The following RABGAP1L variants were observed in gnomAD, a reference collection of about 807,000 sequenced individuals.
RABGAP1L encodes the protein rab GTPase-activating protein 1-like.
Under a neutral mutation model 137.7 loss-of-function variants are expected in RABGAP1L, and 63 were observed. The observed-to-expected ratio is 0.46, with a 90% confidence interval of 0.37 to 0.56. The LOEUF is 0.56. Ranked by LOEUF, RABGAP1L falls within the 20% of genes least tolerant of loss-of-function variation. The pLI is 0.00. For missense variants in RABGAP1L, 1,095 were observed against 1,244.0 expected (o/e 0.88, Z 1.80); for synonymous variants, 431 against 433.7 (o/e 0.99, Z 0.08).
Position 174,412,935 on chromosome 1 carries a change from A to G in RABGAP1L, c.1710+18790A>G, listed in dbSNP as rs182031310. Among the ~76,000 whole-genome samples the G allele has an allele frequency of 1.2e-4, 18 of 152,182 alleles. No individual in the cohort carries two copies. In the East Asian group the frequency reaches 3.3e-3, roughly 28 times the overall value. The stretch of plus-strand genomic sequence containing the variant: ...TGAGCTTGGACAGTCTTGTGACTAT[A>G]TATCCTGGTGATGTTCATTTTGTGT... On this transcript the variant is annotated intron_variant, in intron 13 of 25. Coordinates refer to ENST00000681986, the MANE Select transcript of RABGAP1L (RefSeq NM_001366446.1).
chr1:174,171,628 T>C (rs1164125099), intron 1 of RABGAP1L, among the ~76,000 whole-genome samples: 1 of 151,874 alleles, frequency 6.6e-6, no homozygotes, highest in African/African-American at 2.4e-5. Context: ...GACCTACTTA[T>C]TCCCATTTCG....
chr1:174,621,775 T>C (rs1180377111), intron 13 of RABGAP1L, among the ~76,000 whole-genome samples: 1 of 152,154 alleles, frequency 6.6e-6, no homozygotes, highest in Non-Finnish European at 1.5e-5. Context: ...GGCAATACCA[T>C]TGAGGACATA....
chr1:174,740,726 T>G (rs1284171335), intron 17 of RABGAP1L, among the ~76,000 whole-genome samples: 1 of 152,162 alleles, frequency 6.6e-6, no homozygotes, highest in Non-Finnish European at 1.5e-5. Context: ...TTTTCTCCAC[T>G]TTCTTGTCAA....
intron 13 of RABGAP1L, among the ~76,000 whole-genome samples, chr1:174,460,451 A>T (rs960072761): frequency 6.6e-6 from 1 of 151,940 alleles, no homozygotes; most frequent in Non-Finnish European, 1.5e-5. Context: ...TTTCTAAAGG[A>T]TTTTTAAATA....
intron 20 of RABGAP1L, chr1:174,964,822 T>C (rs1264338748): frequency 3.6e-6 from 5 of 1,399,920 alleles, no homozygotes; most frequent in African/African-American, 1.5e-5. Flanking sequence ...TAGAGTTATA[T>C]GACACTCAAA....
chr1:174,334,660 G>A (rs1242636186), intron 11 of RABGAP1L, among the ~76,000 whole-genome samples: 1 of 152,084 alleles, frequency 6.6e-6, no homozygotes, highest in Non-Finnish European at 1.5e-5. Flanking sequence ...TCTACCTGGA[G>A]CTCTTTTTTT....
intron 13 of RABGAP1L, among the ~76,000 whole-genome samples, chr1:174,523,223 G>A (rs1240622275): frequency 6.6e-6 from 1 of 152,130 alleles, no homozygotes; most frequent in Non-Finnish European, 1.5e-5. Context: ...ATCCTTCAAT[G>A]AACACAACTG....
intron 11 of RABGAP1L, among the ~76,000 whole-genome samples, chr1:174,314,352 A>G (rs754995047): frequency 3.9e-5 from 6 of 152,072 alleles, no homozygotes; most frequent in Admixed American, 3.3e-4. Flanking sequence ...TCTCAGTGAT[A>G]ATGTCTCTGT....
chr1:174,593,001 T>A, intron 13 of RABGAP1L, among the ~76,000 whole-genome samples: 1 of 40,870 alleles, frequency 2.4e-5, no homozygotes, highest in Non-Finnish European at 3.9e-5. Flanking sequence ...TTTTGGTTGG[T>A]AAACTATTGA....
chr1:174,943,320 T>C (rs1489367538), intron 19 of RABGAP1L, among the ~76,000 whole-genome samples: 1 of 152,214 alleles, frequency 6.6e-6, no homozygotes, highest in East Asian at 1.9e-4. Context: ...GGTCTTGCTC[T>C]TGGTCATCCT....
intron 13 of RABGAP1L, among the ~76,000 whole-genome samples, chr1:174,450,784 A>T (rs1484476794): frequency 1.3e-5 from 2 of 152,184 alleles, no homozygotes; most frequent in African/African-American, 2.4e-5. Flanking sequence ...ATATTTTAAA[A>T]TTTATATCAA....
chr1:174,934,331 A>T (rs774763668), intron 19 of RABGAP1L, among the ~76,000 whole-genome samples: 2 of 152,018 alleles, frequency 1.3e-5, no homozygotes, highest in Admixed American at 1.3e-4. Context: ...CAGGTGATCC[A>T]CCTGCCTCGG....
At chr1:174,435,971 C>T (rs1449419645) in intron 13 of RABGAP1L, among the ~76,000 whole-genome samples, 2 of 152,134 alleles carry the variant, frequency 1.3e-5, no homozygotes, top group African/African-American at 2.4e-5. Context: ...CGTGTCCCTA[C>T]AAAGGACATG....
chr1:174,662,108 T>C (rs1196072585), intron 14 of RABGAP1L, among the ~76,000 whole-genome samples: 1 of 113,218 alleles, frequency 8.8e-6, no homozygotes, highest in Non-Finnish European at 1.7e-5. Flanking sequence ...TTTTCTTTTT[T>C]TTTTTTTTTT....
chr1:174,870,979 T>C (rs1271735642), intron 19 of RABGAP1L, among the ~76,000 whole-genome samples: 1 of 152,182 alleles, frequency 6.6e-6, no homozygotes, highest in Admixed American at 6.5e-5. Context: ...GACCTCGTGA[T>C]CCACCCACCT....
intron 10 of RABGAP1L, among the ~76,000 whole-genome samples, chr1:174,296,197 T>G (rs1267866594): frequency 6.6e-6 from 1 of 152,142 alleles, no homozygotes; most frequent in Non-Finnish European, 1.5e-5. Flanking sequence ...ATTTAATTGG[T>G]AAATAAGAGA....
At chr1:174,224,698 C>A (rs1670028509) in intron 3 of RABGAP1L, among the ~76,000 whole-genome samples, 2 of 151,974 alleles carry the variant, frequency 1.3e-5, no homozygotes. Context: ...CATATACATA[C>A]ATTGAAAAAC....
intron 1 of RABGAP1L, among the ~76,000 whole-genome samples, chr1:174,204,199 C>T (rs1261236854): frequency 2.0e-5 from 3 of 152,178 alleles, no homozygotes; most frequent in Non-Finnish European, 1.5e-5. Flanking sequence ...GATCTGCCCA[C>T]CTCAGCCTCC....
chr1:174,278,628 T>A lies in RABGAP1L; in HGVS notation c.1172T>A (p.Met391Lys). 1 of 1,612,406 alleles carries A rather than the reference T, an allele frequency of 6.2e-7. No homozygotes were observed. Among genetic ancestry groups the A allele is most frequent in the Non-Finnish European group, 8.5e-7 (1 of 1,179,302 alleles). Residue 391 changes from methionine to lysine, a missense_variant, in exon 10 of 26, where the codon ATG (methionine) becomes AAG (lysine). Met to Lys is a moderately conservative substitution (Grantham distance 95, BLOSUM62 -1). Coordinates refer to ENST00000681986, the MANE Select transcript of RABGAP1L (RefSeq NM_001366446.1). ...TCTACTACAGATAAGCAAGTATACA[T>A]GACTGTGGCAGTGGATATGGTAGTC... ...EETPKDKQVY[M>K]TVAVDMVVTE...
Sources: gnomAD v4.1 joint callset for allele counts (sites outside exome capture counted in the v4.1 genomes callset) on GRCh38, gnomAD v4.1.1 for gene constraint, MANE v1.5 for transcripts, NCBI Gene and HGNC (gene_info 2026-07-23, HGNC 2026-07-21) for gene names.